Variants in NKAP observed in about 807,000 individuals in gnomAD.
The protein encoded by NKAP is NF-kappa-B-activating protein.
NKAP carries 4 observed loss-of-function variants against 35.6 expected under a neutral mutation model. The ratio of observed to expected loss-of-function variants is 0.11; its 90% CI spans 0.06 to 0.26. The LOEUF (loss-of-function observed/expected upper bound fraction) is 0.26, where lower values mean the gene tolerates loss of function less well. Among genes scored for constraint, NKAP ranks in the 10% least tolerant of loss-of-function variants. The probability of loss-of-function intolerance (pLI) is 1.00; values close to 1 mark genes in which losing one functional copy is unlikely to be tolerated. For missense variants in NKAP, 238 were observed against 321.9 expected (o/e 0.74, Z 1.99); for synonymous variants, 106 against 119.2 (o/e 0.89, Z 0.72).
Position 119,930,222 on chromosome X carries a change from C to T in NKAP, c.924-57G>A, listed in dbSNP as rs1370282368. 2.8e-6 allele frequency: 3 copies of T among 1,090,358 alleles called. No homozygotes were observed. The African/African-American group carries it at 5.6e-5, about 20-fold the overall frequency. The allele number at this position is 1,090,358 out of a possible 1,213,427, so 89.9% of individuals were successfully genotyped here. On this transcript the variant is annotated intron_variant, in intron 7 of 8. Coordinates refer to ENST00000371410, the MANE Select transcript of NKAP (RefSeq NM_024528.4). ...CATTAAATCATCTTAATATTAAAAGCTTATAATCTAAAGAGAGCACCAAAA... is the reference window on the plus strand; with the variant it reads ...CATTAAATCATCTTAATATTAAAAGTTTATAATCTAAAGAGAGCACCAAAA...
Sources: allele counts gnomAD v4.1 joint callset, GRCh38; gene constraint gnomAD v4.1.1; transcripts MANE v1.5; gene names NCBI Gene and HGNC (gene_info 2026-07-23, HGNC 2026-07-21).